The following VOPP1 variants were observed in gnomAD, a reference collection of about 807,000 sequenced individuals.
The protein encoded by VOPP1 is VOPP1 WW domain binding protein, also known as WW domain binding protein VOPP1.
Under a neutral mutation model 23.5 loss-of-function variants are expected in VOPP1, and 8 were observed. The ratio of observed to expected loss-of-function variants is 0.34; its 90% CI spans 0.20 to 0.61. VOPP1 has a LOEUF of 0.61. VOPP1 is among the 20% of genes least tolerant of loss of function. VOPP1 has a pLI of 0.78. For missense variants in VOPP1, 174 were observed against 238.1 expected, an observed-to-expected ratio of 0.73 and a Z score of 1.77; for synonymous variants, 83 against 97.3, an observed-to-expected ratio of 0.85 and a Z score of 0.86.
chr7:55,475,072 G>A (rs546495863), intron 4 of VOPP1, among the ~76,000 whole-genome samples: 2 of 152,218 alleles, frequency 1.3e-5, no homozygotes, highest in Non-Finnish European at 2.9e-5. Flanking sequence ...CAGGGTGTGG[G>A]TGAAGACTGT....
chr7:55,463,193 A>C (rs901282312), intron 4 of VOPP1, among the ~76,000 whole-genome samples: 2 of 152,236 alleles, frequency 1.3e-5, no homozygotes, highest in African/African-American at 4.8e-5. Context: ...TGTATTCTGC[A>C]GTTTTTGTTC....
At chr7:55,514,133 A>C (rs1003462385) in intron 2 of VOPP1, among the ~76,000 whole-genome samples, 1 of 152,180 alleles carries the variant, frequency 6.6e-6, no homozygotes, top group Non-Finnish European at 1.5e-5. Context: ...AAGACTCACT[A>C]GCTTGGAAGG....
At chr7:55,518,379 C>T (rs925096303) in intron 2 of VOPP1, among the ~76,000 whole-genome samples, 3 of 152,254 alleles carry the variant, frequency 2.0e-5, no homozygotes. Context: ...AATATGTGAA[C>T]TCTGCACGAA....
At chr7:55,466,258 C>T (rs1169661551), downstream of VOPP1, among the ~76,000 whole-genome samples, 1 of 152,200 alleles carries the variant, frequency 6.6e-6, no homozygotes. Flanking sequence ...AGCCTGAACA[C>T]ATTGTGACAA....
At chr7:55,443,124 A>C (rs1394049770) in intron 4 of VOPP1, among the ~76,000 whole-genome samples, 1 of 152,144 alleles carries the variant, frequency 6.6e-6, no homozygotes, top group Non-Finnish European at 1.5e-5. Flanking sequence ...GTCTCAAAAA[A>C]ATAAAAATAA....
chr7:55,458,940 TC>T (rs1288317643), intron 4 of VOPP1, among the ~76,000 whole-genome samples: 5 of 152,210 alleles, frequency 3.3e-5, no homozygotes, highest in African/African-American at 9.6e-5. Context: ...AATGTGGGCA[TC>T]CTGCTCTGGT....
chr7:55,503,592 G>A (rs550921410), intron 2 of VOPP1, among the ~76,000 whole-genome samples: 76 of 152,314 alleles, frequency 5.0e-4, no homozygotes, highest in Admixed American at 1.1e-3. Context: ...CCCCTAGACC[G>A]GTGTGTTGAA....
At chr7:55,447,808 A>G (rs1194653516) in intron 4 of VOPP1, among the ~76,000 whole-genome samples, 1 of 152,154 alleles carries the variant, frequency 6.6e-6, no homozygotes, top group Non-Finnish European at 1.5e-5. Context: ...TGGTTTTGCC[A>G]ACCATGGACC....
rs371099758 is a variant in VOPP1 at position 55,455,826 on chromosome 7, G to A, written n.418-19652C>T. On this transcript the variant is annotated intron_variant and non_coding_transcript_variant, in intron 4 of 4. Coordinates refer to the VOPP1 transcript ENST00000462326. ...CTCAAGATGGATTAAATACTTAAAC[G>A]TAAGACCTAAAACCATAAAAACCCT... 7.8e-4 allele frequency among the ~76,000 whole-genome samples: 118 copies of A among 152,228 alleles called. 1 individual carries two copies. The highest frequency in any genetic ancestry group is 2.7e-3 in the East Asian group (14 of 5,182).
At chr7:55,519,397 C>T (rs562685387) in intron 2 of VOPP1, among the ~76,000 whole-genome samples, 64 of 152,280 alleles carry the variant, frequency 4.2e-4, no homozygotes, top group South Asian at 1.7e-3. Flanking sequence ...ACAGCAATGA[C>T]CTCTGACGCC....
At chr7:55,439,672 G>A (rs758777508) in intron 4 of VOPP1, among the ~76,000 whole-genome samples, 11 of 152,230 alleles carry the variant, frequency 7.2e-5, no homozygotes, top group Admixed American at 2.6e-4. Flanking sequence ...CGCCAACACC[G>A]CTGTGGGTGA....
At chr7:55,443,370 C>T (rs1176204764) in intron 4 of VOPP1, among the ~76,000 whole-genome samples, 1 of 151,556 alleles carries the variant, frequency 6.6e-6, no homozygotes, top group Non-Finnish European at 1.5e-5. Context: ...CTGGCTAACA[C>T]GGTGAAACCC....
intron 2 of VOPP1, among the ~76,000 whole-genome samples, chr7:55,505,094 C>T (rs1199841830): frequency 6.6e-6 from 1 of 152,214 alleles, no homozygotes; most frequent in African/African-American, 2.4e-5. Context: ...TCACTCAAGG[C>T]ATTCACTATT....
At chr7:55,454,633 C>T (rs1160572130) in intron 4 of VOPP1, among the ~76,000 whole-genome samples, 6 of 152,102 alleles carry the variant, frequency 3.9e-5, no homozygotes, top group Admixed American at 3.9e-4. Context: ...TGGGATGCAA[C>T]GCTGGTTCAA....
At chr7:55,468,643 T>C (rs1015546013), downstream of VOPP1, among the ~76,000 whole-genome samples, 5 of 152,238 alleles carry the variant, frequency 3.3e-5, no homozygotes, top group Non-Finnish European at 5.9e-5. Flanking sequence ...TGGCCCAGGA[T>C]GGAACCCCTC....
intron 2 of VOPP1, among the ~76,000 whole-genome samples, chr7:55,513,032 G>A (rs1018635745): frequency 2.0e-5 from 3 of 152,232 alleles, no homozygotes; most frequent in African/African-American, 7.2e-5. Context: ...GCAGAGAAAT[G>A]AACCCAGAGG....
chr7:55,460,798 C>T (rs989089030), intron 4 of VOPP1, among the ~76,000 whole-genome samples: 1 of 152,138 alleles, frequency 6.6e-6, no homozygotes, highest in Non-Finnish European at 1.5e-5. Context: ...TTCCTGCTCA[C>T]TTTTGGTTTC....
chr7:55,546,966 C>T (rs1198936248), intron 1 of VOPP1, among the ~76,000 whole-genome samples: 2 of 152,272 alleles, frequency 1.3e-5, no homozygotes, highest in Admixed American at 6.5e-5. Context: ...CTTCATTTCA[C>T]TGATGAGCGA....
chr7:55,435,308 TA>T (rs373447698), downstream of VOPP1, among the ~76,000 whole-genome samples: 21 of 151,584 alleles, frequency 1.4e-4, no homozygotes, highest in African/African-American at 4.4e-4. Context: ...GGCTGGGGGG[TA>T]AAGAAGTGTG....
Sources: gnomAD v4.1 joint callset for allele counts (sites outside exome capture counted in the v4.1 genomes callset) on GRCh38, gnomAD v4.1.1 for gene constraint, MANE v1.5 for transcripts, NCBI Gene and HGNC (gene_info 2026-07-23, HGNC 2026-07-21) for gene names.